Variants in PTCSC3 observed in about 807,000 individuals in gnomAD.
The protein encoded by PTCSC3 is papillary thyroid carcinoma susceptibility candidate 3 (non-protein coding).
downstream of PTCSC3, among the ~76,000 whole-genome samples, chr14:36,135,875 A>ATGTG (rs536336304): frequency 1.0e-3 from 85 of 84,352 alleles, no homozygotes; most frequent in African/African-American, 2.5e-3. Context: ...ATATATATAT[A>ATGTG]TGTGTGTGTG....
chr14:36,171,306 C>G (rs997351797), intron 1 of PTCSC3, among the ~76,000 whole-genome samples: 1 of 152,016 alleles, frequency 6.6e-6, no homozygotes, highest in African/African-American at 2.4e-5. Flanking sequence ...GTAGCAGATA[C>G]TAAAATAGCA....
intron 1 of PTCSC3, among the ~76,000 whole-genome samples, chr14:36,169,806 A>G (rs967201803): frequency 6.6e-6 from 1 of 152,184 alleles, no homozygotes; most frequent in African/African-American, 2.4e-5. Flanking sequence ...TTTCTTACAC[A>G]TATTGACCTC....
intron 3 of PTCSC3, among the ~76,000 whole-genome samples, chr14:36,146,984 A>G (rs1428718224): frequency 6.6e-6 from 1 of 152,112 alleles, no homozygotes; most frequent in Non-Finnish European, 1.5e-5. Context: ...AATGTTGAAT[A>G]TTGGCCCCCA....
chr14:36,137,306 A>G (rs1407081477), intron 3 of PTCSC3, among the ~76,000 whole-genome samples: 2 of 152,212 alleles, frequency 1.3e-5, no homozygotes, highest in African/African-American at 4.8e-5. Context: ...CAAGGGAAGA[A>G]CAATAGAATA....
chr14:36,164,710 A>G (rs140803799), intron 1 of PTCSC3, among the ~76,000 whole-genome samples: 1 of 152,192 alleles, frequency 6.6e-6, no homozygotes, highest in Non-Finnish European at 1.5e-5. Context: ...ACTGACCTCT[A>G]TGTCCCCATC....
chr14:36,152,166 A>G (rs1881738026), intron 3 of PTCSC3, among the ~76,000 whole-genome samples: 2 of 152,232 alleles, frequency 1.3e-5, no homozygotes. Context: ...TAGAATTTCT[A>G]CAATATTACA....
At chr14:36,176,298 C>G (rs565013212) in exon 1 of PTCSC3, 1 of 152,006 alleles carries the variant, frequency 6.6e-6, no homozygotes, top group African/African-American at 2.4e-5. Context: ...GAACACTTAC[C>G]ACCATGGTCT....
At chr14:36,176,071 G>A (rs79616068) in intron 1 of PTCSC3, among the ~76,000 whole-genome samples, 80 of 152,258 alleles carry the variant, frequency 5.3e-4, no homozygotes, top group African/African-American at 1.9e-3. Context: ...TTAAGAAAAC[G>A]ATACAAATAC....
At chr14:36,172,929 A>G (rs546611874) in intron 1 of PTCSC3, among the ~76,000 whole-genome samples, 1 of 151,626 alleles carries the variant, frequency 6.6e-6, no homozygotes, top group African/African-American at 2.4e-5. Flanking sequence ...TTAACATAAA[A>G]ACTTAAAACT....
intron 2 of PTCSC3, among the ~76,000 whole-genome samples, chr14:36,162,339 A>G (rs979878078): frequency 6.6e-6 from 1 of 151,000 alleles, no homozygotes; most frequent in Non-Finnish European, 1.5e-5. Context: ...TTGTGCTTGA[A>G]ACCTAGGTCC....
intron 2 of PTCSC3, among the ~76,000 whole-genome samples, chr14:36,154,512 T>C (rs905667611): frequency 1.3e-5 from 2 of 152,206 alleles, no homozygotes; most frequent in Admixed American, 6.5e-5. Context: ...CAAATTACTG[T>C]TGTGATTAGA....
intron 3 of PTCSC3, among the ~76,000 whole-genome samples, chr14:36,148,525 C>T (rs1038107286): frequency 6.6e-5 from 10 of 152,222 alleles, no homozygotes; most frequent in East Asian, 1.9e-4. Flanking sequence ...CTTCGGCTAG[C>T]GTGCAGTGTG....
At chr14:36,139,195 T>C (rs1881364116) in intron 3 of PTCSC3, among the ~76,000 whole-genome samples, 1 of 151,012 alleles carries the variant, frequency 6.6e-6, no homozygotes, top group South Asian at 2.1e-4. Flanking sequence ...AGAATCTTTA[T>C]TAATAAGAGC....
intron 3 of PTCSC3, among the ~76,000 whole-genome samples, chr14:36,146,407 CATT>C: frequency 6.6e-6 from 1 of 150,900 alleles, no homozygotes; most frequent in Non-Finnish European, 1.5e-5. Flanking sequence ...ATCCCTTTAC[CATT>C]ATTTAATGGC....
At chr14:36,154,843 T>C (rs1881796891) in intron 2 of PTCSC3, among the ~76,000 whole-genome samples, 1 of 152,226 alleles carries the variant, frequency 6.6e-6, no homozygotes, top group Admixed American at 6.5e-5. Flanking sequence ...TTAATTGTTA[T>C]GTAAAATGTC....
intron 3 of PTCSC3, among the ~76,000 whole-genome samples, chr14:36,151,225 G>T (rs752650451): frequency 4.0e-5 from 6 of 151,882 alleles, no homozygotes; most frequent in Admixed American, 2.0e-4. Flanking sequence ...TGCTTGCATG[G>T]TTTCTGAAGA....
chr14:36,171,695 CA>C (rs750368647), intron 1 of PTCSC3, among the ~76,000 whole-genome samples: 5 of 152,094 alleles, frequency 3.3e-5, no homozygotes, highest in Non-Finnish European at 5.9e-5. Flanking sequence ...AAATAACTAT[CA>C]AAGGCAAGCA....
intron 3 of PTCSC3, among the ~76,000 whole-genome samples, chr14:36,136,786 A>G (rs1881297913): frequency 6.6e-6 from 1 of 152,236 alleles, no homozygotes; most frequent in Admixed American, 6.5e-5. Context: ...CAGAAGAGAT[A>G]CAAAACAAAA....
At chr14:36,171,857 C>T (rs1225366746) in intron 1 of PTCSC3, among the ~76,000 whole-genome samples, 1 of 152,082 alleles carries the variant, frequency 6.6e-6, no homozygotes, top group Non-Finnish European at 1.5e-5. Context: ...GATGACCATA[C>T]CCAGGGAATA....
Sources: allele counts gnomAD v4.1 joint callset (sites outside exome capture counted in the v4.1 genomes callset), GRCh38; gene constraint gnomAD v4.1.1; transcripts MANE v1.5; gene names NCBI Gene and HGNC (gene_info 2026-07-23, HGNC 2026-07-21).